Variants in SNF8 observed in about 807,000 individuals in gnomAD.
SNF8 encodes the protein vacuolar-sorting protein SNF8.
Under a neutral mutation model 36.8 loss-of-function variants are expected in SNF8, and 19 were observed. The ratio of observed to expected loss-of-function variants is 0.52; its 90% CI spans 0.36 to 0.76. The LOEUF is 0.76. SNF8 is among the 30% of genes least tolerant of loss of function. SNF8 has a pLI of 0.00. For missense variants in SNF8, 268 were observed against 322.9 expected (o/e 0.83, Z 1.30); for synonymous variants, 127 against 127.4 (o/e 1.00, Z 0.02).
At chr17:48,936,809 A>G (rs2040940932) in intron 4 of SNF8, 2 of 594,488 alleles carry the variant, frequency 3.4e-6, no homozygotes, top group Non-Finnish European at 3.0e-6. Flanking sequence ...TTCCTGGCCA[A>G]AGATCTTTGG....
At chr17:48,943,080 G>C (rs1242154773) in intron 2 of SNF8, among the ~76,000 whole-genome samples, 2 of 147,316 alleles carry the variant, frequency 1.4e-5, no homozygotes, top group African/African-American at 2.5e-5. Flanking sequence ...TGGCCAGGCT[G>C]GTCTCGAACT....
chr17:48,938,519 C>G (rs147063182), intron 3 of SNF8, among the ~76,000 whole-genome samples: 22 of 132,672 alleles, frequency 1.7e-4, no homozygotes, highest in African/African-American at 5.5e-4. Context: ...AAAAAGAAAA[C>G]AAAAATGTAG....
rs187917666 is a variant in SNF8 at position 48,944,595 on chromosome 17, T to G, written c.54+86A>C. The G allele has an allele frequency of 1.6e-4, 218 of 1,404,666 alleles. No individual in the cohort carries two copies. In the African/African-American group the frequency reaches 2.5e-3, roughly 16 times the overall value. The allele number at this position is 1,404,666 out of a possible 1,614,324, so 87.0% of individuals were successfully genotyped here. A position where few individuals can be genotyped will look rare whatever the true frequency, so the allele number is the denominator to read the frequency against. ...GCCAGTCTCAGATTCTGTTGGGAGGTGATTAACGGGTAGGACACTGCTCCG... is the reference window on the plus strand; with the variant it reads ...GCCAGTCTCAGATTCTGTTGGGAGGGGATTAACGGGTAGGACACTGCTCCG... On this transcript the variant is annotated intron_variant, in intron 1 of 7. Coordinates refer to ENST00000502492, the MANE Select transcript of SNF8 (RefSeq NM_007241.4).
intron 7 of SNF8, 149 bp from the exon 8 acceptor site, chr17:48,930,761 A>G (rs1014810034): frequency 1.2e-6 from 1 of 804,238 alleles, no homozygotes; most frequent in South Asian, 2.0e-5. Context: ...CAACCAACTA[A>G]ACGAGCTGTT....
chr17:48,929,804 G>T lies in SNF8; in HGVS notation c.*671C>A, dbSNP rs57508413. ...GCTGTATGTAAAATGGCACAGGGTA[G>T]GTGTTCAGTAAATGACTCCCTTTCC... On this transcript the variant is annotated 3_prime_UTR_variant, in exon 8 of 8. Transcript: ENST00000502492. 6.6e-6 allele frequency: 1 copy of T among 152,066 alleles called. No homozygotes were observed. Among genetic ancestry groups the T allele is most frequent in the Non-Finnish European group, 1.5e-5 (1 of 68,020 alleles). The allele number at this position is 152,066 out of a possible 1,614,324, so 9.4% of individuals were successfully genotyped here.
At chr17:48,938,579 T>C (rs987130799) in intron 3 of SNF8, among the ~76,000 whole-genome samples, 6 of 147,968 alleles carry the variant, frequency 4.1e-5, no homozygotes, top group Non-Finnish European at 9.0e-5. Flanking sequence ...GTTTACAAAG[T>C]TGGGGCCACG....
rs117022977 is a variant in SNF8 at position 48,937,270 on chromosome 17, A to G, written c.245-146T>C. Reference sequence around the variant, plus strand: ...TGCTCCATCTGCTACTCAGGAAACAATCGGACTCACGGTAACTCCTGCTGA... The same window carrying G: ...TGCTCCATCTGCTACTCAGGAAACAGTCGGACTCACGGTAACTCCTGCTGA... On this transcript the variant is annotated intron_variant, in intron 3 of 7. Coordinates refer to ENST00000502492, the MANE Select transcript of SNF8 (RefSeq NM_007241.4). 9.0e-3 allele frequency: 6,591 copies of G among 733,658 alleles called. 174 individuals carry two copies. Among genetic ancestry groups the G allele is most frequent in the East Asian group, 0.087 (3,281 of 37,508 alleles). 45.4% of individuals were successfully genotyped at this position (733,658 alleles called of 1,614,324 possible).
At chr17:48,938,890 AGT>A (rs200233216) in intron 3 of SNF8, among the ~76,000 whole-genome samples, 4,296 of 151,606 alleles carry the variant, frequency 0.028, 227 homozygotes, top group African/African-American at 0.1. Context: ...AAAAAAAAGC[AGT>A]AAATTATATA....
chr17:48,935,109 A>G (rs2040915409), intron 5 of SNF8, among the ~76,000 whole-genome samples: 1 of 152,088 alleles, frequency 6.6e-6, no homozygotes, highest in Non-Finnish European at 1.5e-5. Flanking sequence ...GGTGTCTCAC[A>G]CCTGTAATCC....
chr17:48,931,733 A>G lies in SNF8; in HGVS notation c.565-16T>C, dbSNP rs1344674340. 2 of 1,608,102 alleles carry G rather than the reference A, an allele frequency of 1.2e-6. No homozygotes were observed. The highest frequency in any genetic ancestry group is 2.7e-5 in the African/African-American group (2 of 74,824). ...AGCCATTCTTCTGAAGGAAGGAGGA[A>G]TGGGGATTGAATCAGTTAAGAGTGC... On this transcript the variant is annotated splice_polypyrimidine_tract_variant and intron_variant, in intron 6 of 7. Coordinates refer to ENST00000502492, the MANE Select transcript of SNF8 (RefSeq NM_007241.4).
rs940856660 is a variant in SNF8 at position 48,931,730 on chromosome 17, G to A, written c.565-13C>T. 1 of 1,609,184 alleles carries A rather than the reference G, an allele frequency of 6.2e-7. No homozygotes were observed. Among genetic ancestry groups the A allele is most frequent in the Admixed American group, 1.7e-5 (1 of 59,726 alleles). On this transcript the variant is annotated splice_polypyrimidine_tract_variant and intron_variant, in intron 6 of 7. Coordinates refer to ENST00000502492, the MANE Select transcript of SNF8 (RefSeq NM_007241.4). The stretch of plus-strand genomic sequence containing the variant: ...CGTAGCCATTCTTCTGAAGGAAGGA[G>A]GAATGGGGATTGAATCAGTTAAGAG...
intron 3 of SNF8, among the ~76,000 whole-genome samples, chr17:48,937,668 C>T (rs987541070): frequency 1.3e-5 from 2 of 151,800 alleles, no homozygotes; most frequent in African/African-American, 2.4e-5. Flanking sequence ...TGGGTCACGC[C>T]TGTAATTCCA....
rs548396287 is a variant in SNF8, at chr17:48,930,013, C to T, written c.*462G>A. 6.6e-6 allele frequency: 1 copy of T among 152,462 alleles called. No homozygotes were observed. The highest frequency in any genetic ancestry group is 2.1e-4 in the South Asian group (1 of 4,826). 9.4% of individuals were successfully genotyped at this position (152,462 alleles called of 1,614,324 possible). A position where few individuals can be genotyped will look rare whatever the true frequency, so the allele number is the denominator to read the frequency against. ...ATTTCCTTCATACTCACAGCTAACT[C>T]TGTCATAACCTAGAGCCTCTACAGA... On this transcript the variant is annotated 3_prime_UTR_variant, in exon 8 of 8. Coordinates refer to ENST00000502492, the MANE Select transcript of SNF8 (RefSeq NM_007241.4).
At chr17:48,939,516 G>A (rs1235768142) in intron 3 of SNF8, among the ~76,000 whole-genome samples, 1 of 148,632 alleles carries the variant, frequency 6.7e-6, no homozygotes, top group Non-Finnish European at 1.5e-5. Context: ...CTGTTGTGCA[G>A]GGGCGCGACC....
intron 7 of SNF8, 93 bp from the exon 8 acceptor site, chr17:48,930,705 G>T: frequency 7.3e-7 from 1 of 1,364,264 alleles, no homozygotes; most frequent in Non-Finnish European, 9.9e-7. Context: ...TTTGGCTTCA[G>T]TGAGGTTTTC....
chr17:48,941,478 T>G (rs1012921392), intron 2 of SNF8, among the ~76,000 whole-genome samples: 1 of 152,114 alleles, frequency 6.6e-6, no homozygotes, highest in African/African-American at 2.4e-5. Context: ...AATGAGGGAA[T>G]GCAGTGTTCA....
rs892208628 is a variant in SNF8, at chr17:48,929,950, C to T, written c.*525G>A. On this transcript the variant is annotated 3_prime_UTR_variant, in exon 8 of 8. Coordinates refer to ENST00000502492, the MANE Select transcript of SNF8 (RefSeq NM_007241.4). ...GATTCCCCTCAGATTCCATTGTTTTCTTTCCTCCAATTTAGCCACGATTGG... is the reference window on the plus strand; with the variant it reads ...GATTCCCCTCAGATTCCATTGTTTTTTTTCCTCCAATTTAGCCACGATTGG... 6.6e-6 allele frequency: 1 copy of T among 152,250 alleles called. No individual in the cohort carries two copies. Among genetic ancestry groups the T allele is most frequent in the Non-Finnish European group, 1.5e-5 (1 of 68,090 alleles). 9.4% of individuals were successfully genotyped at this position (152,250 alleles called of 1,614,324 possible).
chr17:48,930,731 A>C, intron 7 of SNF8, 119 bp from the exon 8 acceptor site: 1 of 1,065,382 alleles, frequency 9.4e-7, no homozygotes, highest in Non-Finnish European at 1.3e-6. Flanking sequence ...AAATCTACTA[A>C]GTGCCTTCAA....
rs1487053538 is a variant in SNF8 at position 48,930,340 on chromosome 17, T to C, written c.*135A>G. On this transcript the variant is annotated 3_prime_UTR_variant, in exon 8 of 8. Transcript: ENST00000502492. ...TAAAAATGCAACGTGAAGGCACTTTTCAAAAATAAAAGAATGAGGGAAGAA... is the reference window on the plus strand; with the variant it reads ...TAAAAATGCAACGTGAAGGCACTTTCCAAAAATAAAAGAATGAGGGAAGAA... 2.2e-5 allele frequency: 24 copies of C among 1,068,644 alleles called. No individual in the cohort carries two copies. Among genetic ancestry groups the C allele is most frequent in the Non-Finnish European group, 3.0e-5 (24 of 789,648 alleles). The allele number at this position is 1,068,644 out of a possible 1,614,324, so 66.2% of individuals were successfully genotyped here.
Sources: gnomAD v4.1 joint callset for allele counts (sites outside exome capture counted in the v4.1 genomes callset) on GRCh38, gnomAD v4.1.1 for gene constraint, MANE v1.5 for transcripts, NCBI Gene and HGNC (gene_info 2026-07-23, HGNC 2026-07-21) for gene names.